Variants in SLIT2 observed in about 807,000 individuals in gnomAD.
The protein encoded by SLIT2 is slit homolog 2 protein.
SLIT2 carries 41 observed loss-of-function variants against 185.7 expected under a neutral mutation model. The ratio of observed to expected loss-of-function variants is 0.22; its 90% CI spans 0.17 to 0.29. The LOEUF is 0.29. Among genes scored for constraint, SLIT2 ranks in the 10% least tolerant of loss-of-function variants. The pLI, the probability that SLIT2 is intolerant of heterozygous loss-of-function variation, is 1.00. For missense variants in SLIT2, 1,571 were observed against 1,909.0 expected, an observed-to-expected ratio of 0.82 and a Z score of 3.30; for synonymous variants, 693 against 680.2, an observed-to-expected ratio of 1.02 and a Z score of -0.29.
intron 4 of SLIT2, among the ~76,000 whole-genome samples, chr4:20,423,794 T>C (rs769902931): frequency 6.6e-6 from 1 of 152,130 alleles, no homozygotes; most frequent in African/African-American, 2.4e-5. Context: ...TAAGGAAAAT[T>C]CTAAGCTTAC....
At chr4:20,417,944 C>A (rs1727833154) in intron 4 of SLIT2, among the ~76,000 whole-genome samples, 1 of 152,194 alleles carries the variant, frequency 6.6e-6, no homozygotes, top group Non-Finnish European at 1.5e-5. Flanking sequence ...CTATGCTCCA[C>A]TGTAGCCCAT....
Position 20,364,189 on chromosome 4 carries a change from G to A in SLIT2, c.395+95308G>A, listed in dbSNP as rs927478146. 3 of 730,458 alleles carry A rather than the reference G, an allele frequency of 4.1e-6. No homozygotes were observed. The South Asian group carries it at 1.9e-4, about 45-fold the overall frequency. The allele number at this position is 730,458 out of a possible 1,614,324, so 45.2% of individuals were successfully genotyped here. ...AGACTTTACACTTAGAGAAATACTG[G>A]GATGGAGCATTTGTGCCCTGTGGAG... On this transcript the variant is annotated intron_variant, in intron 4 of 36. Coordinates refer to ENST00000504154, the MANE Select transcript of SLIT2 (RefSeq NM_004787.4).
intron 4 of SLIT2, among the ~76,000 whole-genome samples, chr4:20,464,791 CT>C (rs372867362): frequency 1.3e-5 from 2 of 152,004 alleles, no homozygotes; most frequent in Non-Finnish European, 2.9e-5. Flanking sequence ...TTCACATAAT[CT>C]TTTTTTTCTT....
At chr4:20,431,827 G>A (rs1364026841) in intron 4 of SLIT2, among the ~76,000 whole-genome samples, 3 of 152,222 alleles carry the variant, frequency 2.0e-5, no homozygotes, top group African/African-American at 4.8e-5. Flanking sequence ...GGAGGAAAGT[G>A]AAGTTGAGCT....
At chr4:20,456,396 T>C (rs1466338969) in intron 4 of SLIT2, among the ~76,000 whole-genome samples, 1 of 152,130 alleles carries the variant, frequency 6.6e-6, no homozygotes, top group East Asian at 1.9e-4. Context: ...GTCCATTTCT[T>C]CTTACCAGAC....
intron 33 of SLIT2, among the ~76,000 whole-genome samples, chr4:20,605,529 TC>T (rs1167570278): frequency 1.3e-5 from 2 of 151,994 alleles, no homozygotes; most frequent in African/African-American, 4.8e-5. Context: ...AATATATTGT[TC>T]CCTAGGGAGT....
At chr4:20,522,373 G>A (rs552323878) in intron 12 of SLIT2, among the ~76,000 whole-genome samples, 13 of 152,256 alleles carry the variant, frequency 8.5e-5, no homozygotes, top group African/African-American at 3.1e-4. Context: ...GCCTGTTAGG[G>A]ATGGAGAAAA....
intron 30 of SLIT2, among the ~76,000 whole-genome samples, chr4:20,594,291 G>T (rs143991637): frequency 1.0e-3 from 149 of 149,444 alleles, no homozygotes; most frequent in African/African-American, 3.4e-3. Context: ...GTATATGTGT[G>T]TATATATATA....
intron 5 of SLIT2, among the ~76,000 whole-genome samples, chr4:20,475,459 A>G (rs1031267663): frequency 6.6e-6 from 1 of 152,034 alleles, no homozygotes; most frequent in African/African-American, 2.4e-5. Flanking sequence ...TGGAGAACAA[A>G]AAGTTCCTGA....
chr4:20,292,070 A>G (rs1314530464), intron 4 of SLIT2, among the ~76,000 whole-genome samples: 9 of 152,164 alleles, frequency 5.9e-5, no homozygotes, highest in African/African-American at 2.2e-4. Context: ...AATGCAGTCC[A>G]TTTTAGGGAA....
At chr4:20,422,611 A>G (rs1018716955) in intron 4 of SLIT2, among the ~76,000 whole-genome samples, 1 of 152,138 alleles carries the variant, frequency 6.6e-6, no homozygotes, top group South Asian at 2.1e-4. Flanking sequence ...AATGAGAGGC[A>G]GTGGGCAGAA....
At chr4:20,545,764 T>C (rs1723192269) in intron 21 of SLIT2, among the ~76,000 whole-genome samples, 1 of 151,990 alleles carries the variant, frequency 6.6e-6, no homozygotes, top group Admixed American at 6.6e-5. Context: ...GTACGGTTAA[T>C]TGAATGAATC....
chr4:20,518,339 G>A (rs1302728031), intron 11 of SLIT2, among the ~76,000 whole-genome samples: 2 of 137,168 alleles, frequency 1.5e-5, no homozygotes, highest in African/African-American at 5.4e-5. Context: ...TGCAAGCTCC[G>A]CCTCCCTGGT....
intron 4 of SLIT2, among the ~76,000 whole-genome samples, chr4:20,321,369 G>A (rs545822085): frequency 2.6e-5 from 4 of 152,200 alleles, no homozygotes; most frequent in South Asian, 4.1e-4. Flanking sequence ...CCTCACTAAC[G>A]CTTGGCTCCC....
At chr4:20,498,308 T>G (rs1015761761) in intron 9 of SLIT2, among the ~76,000 whole-genome samples, 1 of 152,208 alleles carries the variant, frequency 6.6e-6, no homozygotes, top group Non-Finnish European at 1.5e-5. Context: ...TTTGCTGCCT[T>G]GGGGTCATCC....
Position 20,528,810 on chromosome 4 carries a change from T to C in SLIT2, c.1463-139T>C. 1.7e-6 allele frequency: 1 copy of C among 583,522 alleles called. No homozygotes were observed. The highest frequency in any genetic ancestry group is 2.9e-5 in the South Asian group (1 of 35,032). 36.1% of individuals were successfully genotyped at this position (583,522 alleles called of 1,614,324 possible). Reference sequence around the variant, plus strand: ...CAAGCCTTTCTTTTAACCTTTCTCCTGACATCCATTGACCAAAATACCCCA... The same window carrying C: ...CAAGCCTTTCTTTTAACCTTTCTCCCGACATCCATTGACCAAAATACCCCA... On this transcript the variant is annotated intron_variant, in intron 15 of 36. Transcript: ENST00000504154. This position sits in a 1 kb window ranked among gnomAD's most constrained non-coding sequence, Gnocchi z 4.2.
At chr4:20,472,799 A>G (rs1308304625) in intron 5 of SLIT2, among the ~76,000 whole-genome samples, 1 of 150,700 alleles carries the variant, frequency 6.6e-6, no homozygotes, top group Non-Finnish European at 1.5e-5. Flanking sequence ...TTAAAATTAA[A>G]TCTCACTTTA....
At chr4:20,552,757 C>T (rs951593468) in intron 25 of SLIT2, 6 of 152,036 alleles carry the variant, frequency 3.9e-5, no homozygotes, top group East Asian at 1.9e-4. Context: ...ACTATCCTGA[C>T]GGTAGACCTA....
rs76031488 is a variant in SLIT2, at chr4:20,339,858, C to G, written c.395+70977C>G. On this transcript the variant is annotated intron_variant, in intron 4 of 36. Coordinates refer to ENST00000504154, the MANE Select transcript of SLIT2 (RefSeq NM_004787.4). Reference sequence around the variant, plus strand: ...AAATCTAATTGAGTTTCAGAAACACCATTCTGGTTTTTACCACATTGTATA... The same window carrying G: ...AAATCTAATTGAGTTTCAGAAACACGATTCTGGTTTTTACCACATTGTATA... 7.9e-4 allele frequency among the ~76,000 whole-genome samples: 120 copies of G among 152,102 alleles called. No homozygotes were observed. In the East Asian group the frequency reaches 9.7e-3, roughly 12 times the overall value.
Sources: gnomAD v4.1 joint callset for allele counts (sites outside exome capture counted in the v4.1 genomes callset) on GRCh38, gnomAD v4.1.1 for gene constraint, Gnocchi (gnomAD v3.1) non-coding constraint, MANE v1.5 for transcripts, NCBI Gene and HGNC (gene_info 2026-07-23, HGNC 2026-07-21) for gene names.